KLF12: variants seen among roughly 807,000 people sequenced by gnomAD.
KLF12 encodes Krueppel-like factor 12.
A neutral mutation model predicts 37.8 loss-of-function variants in KLF12; 9 were observed. The ratio of observed to expected loss-of-function variants is 0.24; its 90% CI spans 0.14 to 0.42. The LOEUF (loss-of-function observed/expected upper bound fraction) is 0.42. KLF12 is among the 10% of genes least tolerant of loss of function. The pLI is 1.00. For synonymous variants in KLF12, 208 were observed against 202.1 expected, an observed-to-expected ratio of 1.03 and a Z score of -0.25; for missense variants, 411 against 516.0, an observed-to-expected ratio of 0.80 and a Z score of 1.97.
At chr13:74,068,728 C>A (rs1044574847) in intron 1 of KLF12, among the ~76,000 whole-genome samples, 2 of 151,704 alleles carry the variant, frequency 1.3e-5, no homozygotes, top group African/African-American at 4.8e-5. Flanking sequence ...AGCTAATTTT[C>A]GTATTTTTAG....
chr13:74,249,893 G>C, the KLF12 span, among the ~76,000 whole-genome samples: 5 of 152,168 alleles, frequency 3.3e-5, no homozygotes, highest in Non-Finnish European at 7.3e-5. Flanking sequence ...CAGGGCAGCA[G>C]GTGGGAACTG....
chr13:73,917,279 A>G (rs1230420942), intron 3 of KLF12, among the ~76,000 whole-genome samples: 3 of 152,196 alleles, frequency 2.0e-5, no homozygotes, highest in Non-Finnish European at 4.4e-5. Context: ...CTATACTAAT[A>G]AATCTCAACA....
intron 3 of KLF12, among the ~76,000 whole-genome samples, chr13:73,938,200 A>G (rs1234324151): frequency 6.6e-6 from 1 of 152,194 alleles, no homozygotes; most frequent in Admixed American, 6.5e-5. Flanking sequence ...TGATAAAGTC[A>G]TTAAAGTAAC....
At chr13:73,905,187 C>G (rs966841965) in intron 3 of KLF12, among the ~76,000 whole-genome samples, 4 of 151,974 alleles carry the variant, frequency 2.6e-5, no homozygotes, top group Non-Finnish European at 4.4e-5. Flanking sequence ...ATGATTTTTC[C>G]CCTTTAGAAG....
chr13:73,957,560 C>T (rs997715150), intron 2 of KLF12, among the ~76,000 whole-genome samples: 2 of 152,174 alleles, frequency 1.3e-5, no homozygotes, highest in Non-Finnish European at 2.9e-5. Flanking sequence ...TAACTTTCAA[C>T]AGGGAACTAG....
At chr13:73,826,936 C>A (rs1321779861) in intron 4 of KLF12, among the ~76,000 whole-genome samples, 2 of 152,156 alleles carry the variant, frequency 1.3e-5, no homozygotes, top group Non-Finnish European at 2.9e-5. Flanking sequence ...TGTGGGCCAT[C>A]ATGCCTGGTT....
chr13:73,803,772 T>TCTCACACACA (rs1040863122), intron 5 of KLF12, among the ~76,000 whole-genome samples: 1 of 141,950 alleles, frequency 7.0e-6, no homozygotes, highest in African/African-American at 2.6e-5. Flanking sequence ...TACTGCAGAG[T>TCTCACACACA]CACACACACA....
chr13:73,808,509 A>T (rs1029565501), intron 5 of KLF12, among the ~76,000 whole-genome samples: 1 of 152,100 alleles, frequency 6.6e-6, no homozygotes, highest in Non-Finnish European at 1.5e-5. Context: ...GCCACTAAGC[A>T]GCGGTCTTTT....
At chr13:74,147,110 A>G in the KLF12 span, among the ~76,000 whole-genome samples, 2 of 152,336 alleles carry the variant, frequency 1.3e-5, no homozygotes, top group African/African-American at 4.8e-5. Flanking sequence ...ACTGTGGTTC[A>G]TGGCTAAGGA....
chr13:74,169,891 G>A, the KLF12 span, among the ~76,000 whole-genome samples: 1 of 152,198 alleles, frequency 6.6e-6, no homozygotes, highest in African/African-American at 2.4e-5. Flanking sequence ...TTACAGAAAA[G>A]CAGCTGTGTT....
At chr13:74,127,133 A>C (rs552286597) in intron 1 of KLF12, among the ~76,000 whole-genome samples, 1 of 152,298 alleles carries the variant, frequency 6.6e-6, no homozygotes, top group Admixed American at 6.5e-5. Flanking sequence ...CCTCCCAAGT[A>C]ACTGGGAATA....
chr13:73,918,122 C>G (rs942597637), intron 3 of KLF12, among the ~76,000 whole-genome samples: 8 of 149,758 alleles, frequency 5.3e-5, no homozygotes, highest in African/African-American at 1.2e-4. Context: ...TCTATGTATA[C>G]AGAGAGAGAG....
rs138484876 is a variant in KLF12 at position 73,689,018 on chromosome 13, A to T, written c.*6472T>A. ...AGAAATGTTGTACAGGTTGCAGGTAACGTATCTAAAAATTGCCTAGTCTAT... is the reference window on the plus strand; with the variant it reads ...AGAAATGTTGTACAGGTTGCAGGTATCGTATCTAAAAATTGCCTAGTCTAT... On this transcript the variant is annotated 3_prime_UTR_variant, in exon 8 of 8. Coordinates refer to ENST00000377669, the MANE Select transcript of KLF12 (RefSeq NM_007249.5). The T allele has an allele frequency of 1.3e-3, 201 of 152,248 alleles. 1 individual carries two copies. The highest frequency in any genetic ancestry group is 4.4e-3 in the African/African-American group (182 of 41,544). 9.4% of individuals were successfully genotyped at this position (152,248 alleles called of 1,614,324 possible).
the KLF12 span, among the ~76,000 whole-genome samples, chr13:74,171,327 A>G: frequency 6.6e-6 from 1 of 152,164 alleles, no homozygotes; most frequent in Non-Finnish European, 1.5e-5. Context: ...TAAAAAGGAA[A>G]CACAAAGGAA....
At chr13:74,202,741 A>ATGCTGCTTG in the KLF12 span, among the ~76,000 whole-genome samples, 4 of 152,148 alleles carry the variant, frequency 2.6e-5, no homozygotes, top group African/African-American at 9.6e-5. Context: ...AATCTGCTAG[A>ATGCTGCTTG]TGCTGCTGTC....
intron 3 of KLF12, among the ~76,000 whole-genome samples, chr13:73,924,233 TTTTATTGTGCTTTGC>T (rs1889266576): frequency 6.6e-6 from 1 of 152,214 alleles, no homozygotes; most frequent in Middle Eastern, 3.2e-3. Flanking sequence ...GTAGATTTCA[TTTTATTGTGCTTTGC>T]TTTATTGTGC....
At chr13:74,296,947 A>G in the KLF12 span, among the ~76,000 whole-genome samples, 1 of 152,208 alleles carries the variant, frequency 6.6e-6, no homozygotes, top group Non-Finnish European at 1.5e-5. Context: ...TTAATGACAA[A>G]TTTGTAGCTT....
chr13:74,087,102 T>C (rs909998671), intron 1 of KLF12, among the ~76,000 whole-genome samples: 4 of 152,188 alleles, frequency 2.6e-5, no homozygotes, highest in Non-Finnish European at 4.4e-5. Context: ...ATTTTGTTTA[T>C]GTGCCCTTGA....
chr13:73,886,514 T>G (rs373161673), intron 3 of KLF12, among the ~76,000 whole-genome samples: 6 of 152,064 alleles, frequency 3.9e-5, no homozygotes, highest in Non-Finnish European at 8.8e-5. Flanking sequence ...GAATAGCTAG[T>G]GGATGCTGGG....
Sources: allele counts gnomAD v4.1 joint callset (sites outside exome capture counted in the v4.1 genomes callset), GRCh38; gene constraint gnomAD v4.1.1; transcripts MANE v1.5; gene names NCBI Gene and HGNC (gene_info 2026-07-23, HGNC 2026-07-21).